CEP112: variants seen among roughly 807,000 people sequenced by gnomAD.
CEP112 encodes the protein centrosomal protein 112.
A neutral mutation model predicts 153.0 loss-of-function variants in CEP112; 127 were observed. That is an observed-to-expected ratio of 0.83 (90% CI 0.72 to 0.96). CEP112 has a LOEUF of 0.96. Ranked by LOEUF, CEP112 falls within the 40% of genes least tolerant of loss-of-function variation. CEP112 has a pLI of 0.00. For missense variants in CEP112, 1,089 were observed against 1,101.2 expected (o/e 0.99, Z 0.16); for synonymous variants, 358 against 374.4 (o/e 0.96, Z 0.51).
intron 16 of CEP112, among the ~76,000 whole-genome samples, chr17:66,026,803 G>C (rs979524990): frequency 5.3e-5 from 8 of 152,090 alleles, no homozygotes; most frequent in African/African-American, 1.9e-4. Context: ...CATTCACATG[G>C]ATTCAACATA....
intron 2 of CEP112, among the ~76,000 whole-genome samples, chr17:66,181,621 C>T (rs1568588264): frequency 6.6e-6 from 1 of 152,126 alleles, no homozygotes; most frequent in African/African-American, 2.4e-5. Context: ...TCCCAAAGTA[C>T]TCGGATTACA....
intron 20 of CEP112, among the ~76,000 whole-genome samples, chr17:65,889,122 G>A (rs919281126): frequency 6.6e-6 from 1 of 152,118 alleles, no homozygotes; most frequent in Non-Finnish European, 1.5e-5. Context: ...CTGGTTGGGT[G>A]TTGTATTGAT....
chr17:66,062,981 A>C lies in CEP112; in HGVS notation c.1056T>G (p.Asn352Lys). The change falls in exon 11 of 27, where the codon AAT (asparagine) becomes AAG (lysine). Residue 352 changes from asparagine (N) to lysine (K), a missense_variant. Physicochemically the swap from Asn to Lys is moderately conservative, Grantham distance 94 (BLOSUM62 0). Transcript: ENST00000535342. Reference protein sequence around the residue: ...KICEQSTESLNNDWEKKLHNA... With the variant: ...KICEQSTESLKNDWEKKLHNA... Reference sequence around the variant, plus strand: ...AGCTTACCTTTTTTTCCCAGTCATTATTTAGAGATTCCGTACTTTGTTCAC... The same window carrying C: ...AGCTTACCTTTTTTTCCCAGTCATTCTTTAGAGATTCCGTACTTTGTTCAC... 1 of 1,575,190 alleles carries C rather than the reference A, an allele frequency of 6.3e-7. No individual in the cohort carries two copies. Among genetic ancestry groups the C allele is most frequent in the Non-Finnish European group, 8.6e-7 (1 of 1,157,128 alleles).
chr17:65,763,872 A>G (rs2052764390), intron 21 of CEP112, among the ~76,000 whole-genome samples: 2 of 151,082 alleles, frequency 1.3e-5, no homozygotes, highest in East Asian at 1.9e-4. Flanking sequence ...ATGCCTTGTA[A>G]TTTTTTTTTC....
At chr17:65,806,030 A>G (rs1298039044) in intron 21 of CEP112, among the ~76,000 whole-genome samples, 2 of 152,236 alleles carry the variant, frequency 1.3e-5, no homozygotes, top group African/African-American at 4.8e-5. Context: ...CCAGAGGGTT[A>G]TAAGTATCTG....
chr17:65,946,346 C>T (rs1015115897), intron 18 of CEP112, among the ~76,000 whole-genome samples: 1 of 152,124 alleles, frequency 6.6e-6, no homozygotes. Flanking sequence ...GAGTTAATTT[C>T]ATAAATGGGG....
At chr17:65,858,358 T>C (rs953585295) in intron 20 of CEP112, among the ~76,000 whole-genome samples, 1 of 152,210 alleles carries the variant, frequency 6.6e-6, no homozygotes, top group Non-Finnish European at 1.5e-5. Flanking sequence ...TGAAAGATTT[T>C]TAACTGTTTT....
intron 21 of CEP112, among the ~76,000 whole-genome samples, chr17:65,753,467 T>C (rs1403895187): frequency 6.6e-6 from 1 of 152,186 alleles, no homozygotes; most frequent in Non-Finnish European, 1.5e-5. Flanking sequence ...ATAAATCTCT[T>C]TGTATCTATA....
chr17:66,099,613 T>C (rs1279773875), intron 6 of CEP112, among the ~76,000 whole-genome samples: 3 of 151,656 alleles, frequency 2.0e-5, no homozygotes, highest in African/African-American at 4.8e-5. Flanking sequence ...AGGAGGGCTG[T>C]CCAGAACTAA....
At chr17:66,128,026 C>A (rs895182423) in intron 6 of CEP112, among the ~76,000 whole-genome samples, 3 of 152,072 alleles carry the variant, frequency 2.0e-5, no homozygotes, top group African/African-American at 7.2e-5. Flanking sequence ...AACGGCCAGG[C>A]GCGGTGGCCC....
chr17:65,759,251 C>A (rs2052465636), intron 21 of CEP112, among the ~76,000 whole-genome samples: 1 of 152,146 alleles, frequency 6.6e-6, no homozygotes, highest in African/African-American at 2.4e-5. Flanking sequence ...AAGTGGGCAA[C>A]CAGCAACCCT....
intron 17 of CEP112, among the ~76,000 whole-genome samples, chr17:65,970,770 G>GTATA (rs10691539): frequency 0.46 from 62,834 of 137,058 alleles, 16,189 homozygotes; most frequent in East Asian, 0.89. Flanking sequence ...TATGTTACAT[G>GTATA]TTACATGCAT....
chr17:66,037,876 A>T (rs556891650), intron 12 of CEP112, among the ~76,000 whole-genome samples: 1 of 152,180 alleles, frequency 6.6e-6, no homozygotes, highest in East Asian at 1.9e-4. Context: ...TAACTCAAAG[A>T]ATGTTATGTA....
At chr17:66,130,763 G>A (rs1018242096) in intron 5 of CEP112, among the ~76,000 whole-genome samples, 31 of 134,322 alleles carry the variant, frequency 2.3e-4, no homozygotes, top group Middle Eastern at 5.2e-3. Context: ...GCGACAGAGC[G>A]AGACTCCGTC....
chr17:65,793,512 CA>C (rs982087662), intron 21 of CEP112, among the ~76,000 whole-genome samples: 1 of 152,162 alleles, frequency 6.6e-6, no homozygotes, highest in African/African-American at 2.4e-5. Context: ...AAAAAATAAA[CA>C]AAAAATAAAA....
chr17:66,003,400 A>G (rs2064141129), intron 17 of CEP112, among the ~76,000 whole-genome samples: 1 of 152,214 alleles, frequency 6.6e-6, no homozygotes, highest in African/African-American at 2.4e-5. Context: ...ATTGTTATAT[A>G]CATAAACTCC....
intron 23 of CEP112, among the ~76,000 whole-genome samples, chr17:65,689,496 CATGTAATAAAGCAT>C (rs1235640062): frequency 2.0e-5 from 3 of 152,164 alleles, no homozygotes; most frequent in Non-Finnish European, 4.4e-5. Flanking sequence ...GAACCACAAG[CATGTAATAAAGCAT>C]ATGTAATAAA....
At chr17:65,852,352 TTCCCC>T (rs2057980381) in intron 20 of CEP112, among the ~76,000 whole-genome samples, 1 of 64,804 alleles carries the variant, frequency 1.5e-5, no homozygotes, top group East Asian at 5.6e-4. Flanking sequence ...CCTCCTTCCC[TTCCCC>T]TCCCCTCCTC....
chr17:65,832,800 C>A (rs751992105), intron 21 of CEP112, among the ~76,000 whole-genome samples: 9 of 152,148 alleles, frequency 5.9e-5, no homozygotes, highest in Non-Finnish European at 1.0e-4. Context: ...ACCATTCCTA[C>A]TGAAACTATT....
Sources: gnomAD v4.1 joint callset for allele counts (sites outside exome capture counted in the v4.1 genomes callset) on GRCh38, gnomAD v4.1.1 for gene constraint, MANE v1.5 for transcripts, NCBI Gene and HGNC (gene_info 2026-07-23, HGNC 2026-07-21) for gene names.